Variants in CTPS1 observed in about 807,000 individuals in gnomAD.
CTPS1 encodes the protein CTP synthetase 1.
Under a neutral mutation model 80.5 loss-of-function variants are expected in CTPS1, and 25 were observed. That is an observed-to-expected ratio of 0.31 (90% CI 0.23 to 0.43). The LOEUF (loss-of-function observed/expected upper bound fraction) is 0.43. CTPS1 is among the 20% of genes least tolerant of loss of function. The pLI, the probability that CTPS1 is intolerant of heterozygous loss-of-function variation, is 1.00. For synonymous variants in CTPS1, 267 were observed against 252.5 expected, an observed-to-expected ratio of 1.06 and a Z score of -0.54; for missense variants, 442 against 725.7, an observed-to-expected ratio of 0.61 and a Z score of 4.49.
At position 40,992,682 on chromosome 1, in the gene CTPS1, ATT is replaced by A. The variant is rs67623913; in HGVS notation, c.720+858_720+859del. Reference sequence around the variant, plus strand: ...AATAGGTTGTCATTAAAATTGTTCAATTTTTTTTTTTTTTTTTTTTTTAATTG... The same window carrying A: ...AATAGGTTGTCATTAAAATTGTTCAATTTTTTTTTTTTTTTTTTTTAATTG... On this transcript the variant is annotated intron_variant, in intron 7 of 18. Transcript: ENST00000650070. Among the ~76,000 whole-genome samples the A allele has an allele frequency of 3.2e-3, 409 of 127,862 alleles. 2 individuals carry two copies. The highest frequency in any genetic ancestry group is 0.019 in the East Asian group (84 of 4,404). The allele number at this position is 127,862 out of a possible 152,430, so 83.9% of individuals were successfully genotyped here. A position where few individuals can be genotyped will look rare whatever the true frequency, so the allele number is the denominator to read the frequency against.
intron 2 of CTPS1, among the ~76,000 whole-genome samples, chr1:40,983,921 G>A (rs937951962): frequency 6.6e-6 from 1 of 152,146 alleles, no homozygotes; most frequent in Admixed American, 6.5e-5. Context: ...TTACTTCTTT[G>A]TTGTTATTGA....
At chr1:41,010,865 C>T (rs943234486) in intron 18 of CTPS1, among the ~76,000 whole-genome samples, 4 of 152,220 alleles carry the variant, frequency 2.6e-5, no homozygotes, top group Non-Finnish European at 1.5e-5. Context: ...ACTGTGGGCA[C>T]TGCCACGAAA....
intron 2 of CTPS1, 81 bp from the exon 3 acceptor site, chr1:40,984,740 A>T (rs1027669458): frequency 1.6e-5 from 17 of 1,087,076 alleles, no homozygotes; most frequent in Admixed American, 8.5e-5. Flanking sequence ...CTTGTTAATG[A>T]GTGTTTTATT....
In CTPS1 at chr1:40,991,762, TA is replaced by T; in HGVS notation, c.640-2del. On this transcript the variant is annotated splice_acceptor_variant, in intron 6 of 18. Coordinates refer to ENST00000650070, the MANE Select transcript of CTPS1 (RefSeq NM_001905.4). LOFTEE classifies it high-confidence loss of function. ...TCTAAGCCATCTTGTTCTCTACTGC[TA>T]GGTTGTATGCAGGTGCTCAAATCCA... 2 of 1,610,752 alleles carry T rather than the reference TA, an allele frequency of 1.2e-6. No individual in the cohort carries two copies. Among genetic ancestry groups the T allele is most frequent in the Non-Finnish European group, 1.7e-6 (2 of 1,176,886 alleles).
rs747075079 is a variant in CTPS1, at chr1:40,991,249, G to A, written c.639+1G>A. 3.2e-6 allele frequency: 5 copies of A among 1,579,414 alleles called. No homozygotes were observed. On this transcript the variant is annotated splice_donor_variant, in intron 6 of 18. Transcript: ENST00000650070. LOFTEE classifies it high-confidence loss of function. Reference sequence around the variant, plus strand: ...AGGACTTGGGCTTTCCCCAGATCTGGTAAGATTTCCTGATAGCTGGTTGCA... The same window carrying A: ...AGGACTTGGGCTTTCCCCAGATCTGATAAGATTTCCTGATAGCTGGTTGCA...
intron 7 of CTPS1, among the ~76,000 whole-genome samples, chr1:40,993,774 C>CTTTTTTTTTTT (rs71278720): frequency 5.8e-5 from 5 of 85,800 alleles, no homozygotes; most frequent in Non-Finnish European, 9.0e-5. Context: ...TTTCTTCTCT[C>CTTTTTTTTTTT]TTTTTTTTTT....
intron 7 of CTPS1, among the ~76,000 whole-genome samples, chr1:40,992,646 T>C (rs1187292103): frequency 3.3e-5 from 5 of 152,004 alleles, no homozygotes; most frequent in Admixed American, 2.6e-4. Flanking sequence ...GGAAATTCAA[T>C]TCTGTAGCAG....
Position 41,009,574 on chromosome 1 carries a change from G to GC in CTPS1, c.1677dup (p.Arg560GlnfsTer9), listed in dbSNP as rs1643118511. The GC allele has an allele frequency of 1.9e-6, 3 of 1,614,078 alleles. No individual in the cohort carries two copies. The highest frequency in any genetic ancestry group is 2.5e-6 in the Non-Finnish European group (3 of 1,180,006). ...CTCTCACATTACCTCCAGAAAGGCT[G>GC]CAGGCTCTCACCCAGGTAGGCGCAC... On this transcript the variant is annotated frameshift_variant, in exon 17 of 19. Coordinates refer to ENST00000650070, the MANE Select transcript of CTPS1 (RefSeq NM_001905.4). LOFTEE classifies it high-confidence loss of function.
At position 40,988,684 on chromosome 1, in the gene CTPS1, A is replaced by T; in HGVS notation, c.529A>T (p.Asn177Tyr). Residue 177 changes from asparagine to tyrosine, a missense_variant, in exon 5 of 19, where the codon AAC becomes TAC. Transcript: ENST00000650070. ...QFKVKRENFC[N>Y]IHVSLVPQPS... Reference sequence around the variant, plus strand: ...CAAGGTCAAAAGAGAGAACTTTTGTAACATCCACGTCAGTCTAGTTCCCCA... The same window carrying T: ...CAAGGTCAAAAGAGAGAACTTTTGTTACATCCACGTCAGTCTAGTTCCCCA... 6.2e-7 allele frequency: 1 copy of T among 1,613,548 alleles called. No homozygotes were observed. Among genetic ancestry groups the T allele is most frequent in the Non-Finnish European group, 8.5e-7 (1 of 1,179,450 alleles).
chr1:41,005,359 G>A (rs981897803), intron 12 of CTPS1, among the ~76,000 whole-genome samples: 1 of 152,004 alleles, frequency 6.6e-6, no homozygotes, highest in African/African-American at 2.4e-5. Context: ...CAGGAGAATC[G>A]CTTGAGACCT....
intron 1 of CTPS1, among the ~76,000 whole-genome samples, chr1:40,982,199 T>A (rs1642327821): frequency 6.6e-6 from 1 of 152,034 alleles, no homozygotes; most frequent in Admixed American, 6.6e-5. Context: ...ATTTCTCCTT[T>A]CCCTGCCACC....
chr1:40,997,102 G>A (rs1377185392), intron 8 of CTPS1: 13 of 293,790 alleles, frequency 4.4e-5, no homozygotes, highest in East Asian at 7.5e-5. Context: ...AGCTATTCCC[G>A]TTATATTCTT....
chr1:41,001,235 T>C (rs532245475), intron 10 of CTPS1, 118 bp downstream of exon 10: 1 of 676,072 alleles, frequency 1.5e-6, no homozygotes, highest in African/African-American at 1.9e-5. Context: ...ATTTTTTAAT[T>C]GTTGAAAAGA....
chr1:40,996,233 C>T (rs1642748451), intron 8 of CTPS1, 165 bp downstream of exon 8: 6 of 750,098 alleles, frequency 8.0e-6, no homozygotes, highest in Non-Finnish European at 1.3e-5. Flanking sequence ...TTAGCTGTCA[C>T]GTAGCTGTGG....
chr1:40,983,174 C>T, intron 1 of CTPS1, 104 bp from the exon 2 acceptor site: 1 of 925,704 alleles, frequency 1.1e-6, no homozygotes, highest in South Asian at 1.8e-5. Flanking sequence ...ACTGAGGCTT[C>T]AAGAGGGTTC....
chr1:41,011,009 A>G (rs1207097937), intron 18 of CTPS1, among the ~76,000 whole-genome samples: 1 of 152,154 alleles, frequency 6.6e-6, no homozygotes. Context: ...GTGTGGTTCC[A>G]CCGCTCCTGC....
intron 1 of CTPS1, among the ~76,000 whole-genome samples, chr1:40,983,005 A>G (rs757027882): frequency 6.6e-6 from 1 of 152,208 alleles, no homozygotes; most frequent in Non-Finnish European, 1.5e-5. Flanking sequence ...TTGACTCTGA[A>G]GGTTATTAGT....
chr1:40,997,680 T>A (rs1296862824), intron 9 of CTPS1, among the ~76,000 whole-genome samples, 154 bp downstream of exon 9: 1 of 152,226 alleles, frequency 6.6e-6, no homozygotes, highest in Non-Finnish European at 1.5e-5. Context: ...GGTTGCTTCG[T>A]GGCTTTGAGA....
intron 10 of CTPS1, 72 bp downstream of exon 10, chr1:41,001,189 T>C (rs1379869015): frequency 1.6e-5 from 17 of 1,082,172 alleles, no homozygotes; most frequent in Non-Finnish European, 2.1e-5. Flanking sequence ...CCTCTTGTTT[T>C]CATGTGCCAG....
Sources: gnomAD v4.1 joint callset for allele counts (sites outside exome capture counted in the v4.1 genomes callset) on GRCh38, gnomAD v4.1.1 for gene constraint, MANE v1.5 for transcripts, NCBI Gene and HGNC (gene_info 2026-07-23, HGNC 2026-07-21) for gene names.